The following SCN1A variants were observed in gnomAD, a reference collection of about 807,000 sequenced individuals.
SCN1A encodes the protein sodium voltage-gated channel alpha subunit 1.
SCN1A carries 13 observed loss-of-function variants against 193.7 expected under a neutral mutation model. The ratio of observed to expected loss-of-function variants is 0.07; its 90% CI spans 0.04 to 0.11. The LOEUF (loss-of-function observed/expected upper bound fraction) is 0.11, where lower values mean the gene tolerates loss of function less well. Ranked by LOEUF, SCN1A falls within the 10% of genes least tolerant of loss-of-function variation. The pLI is 1.00. For synonymous variants in SCN1A, 781 were observed against 843.6 expected, an observed-to-expected ratio of 0.93 and a Z score of 1.29; for missense variants, 1,432 against 2,451.1, an observed-to-expected ratio of 0.58 and a Z score of 8.78.
At chr2:166,051,662 T>C in intron 9 of SCN1A, 57 bp downstream of exon 9, 1 of 1,348,408 alleles carries the variant, frequency 7.4e-7, no homozygotes, top group Non-Finnish European at 1.0e-6. Flanking sequence ...TTATCCTTTG[T>C]GTTACAAACA....
At position 165,992,806 on chromosome 2, in the gene SCN1A, T is replaced by C. The variant is rs1689444474; in HGVS notation, c.4853-384A>G. On this transcript the variant is annotated intron_variant, in intron 28 of 28. Coordinates refer to ENST00000674923, the MANE Select transcript of SCN1A (RefSeq NM_001165963.4). The surrounding 1 kb of genome is among the most constrained non-coding windows in gnomAD (Gnocchi z 6.5). ...ACAGTGACTTTTTCTGAAATTGCCATATTCTAAATTCTCTATTTACTCCTT... is the reference window on the plus strand; with the variant it reads ...ACAGTGACTTTTTCTGAAATTGCCACATTCTAAATTCTCTATTTACTCCTT... 1 of 154,280 alleles carries C rather than the reference T, an allele frequency of 6.5e-6. No homozygotes were observed. Among genetic ancestry groups the C allele is most frequent in the South Asian group, 2.0e-4 (1 of 4,886 alleles). 9.6% of individuals were successfully genotyped at this position (154,280 alleles called of 1,614,324 possible). A position where few individuals can be genotyped will look rare whatever the true frequency, so the allele number is the denominator to read the frequency against.
chr2:165,992,574 TAATA>T lies in SCN1A; in HGVS notation c.4853-156_4853-153del. 1 of 382,318 alleles carries T rather than the reference TAATA, an allele frequency of 2.6e-6. No individual in the cohort carries two copies. The highest frequency in any genetic ancestry group is 4.2e-6 in the Non-Finnish European group (1 of 236,068). 23.7% of individuals were successfully genotyped at this position (382,318 alleles called of 1,614,324 possible). On this transcript the variant is annotated intron_variant, in intron 28 of 28. Coordinates refer to ENST00000674923, the MANE Select transcript of SCN1A (RefSeq NM_001165963.4). This position sits in a 1 kb window ranked among gnomAD's most constrained non-coding sequence, Gnocchi z 6.5. ...TATATAATATATATATAATTGTACA[TAATA>T]TATTATAAATCTTAATTTTGAAATT...
rs201985242 is a variant in SCN1A, at chr2:166,073,487, G to A, written c.135C>T (p.Asp45=). ...KNPKPDKKDD[D]ENGPKPNSDL... ...CACTATTTGGCTTTGGGCCATTTTCGTCGTCATCTTTTTTGTCTGGTTTGG... is the reference window on the plus strand; with the variant it reads ...CACTATTTGGCTTTGGGCCATTTTCATCGTCATCTTTTTTGTCTGGTTTGG... The change falls in exon 4 of 29, where the codon GAC becomes GAT. Residue 45 remains aspartate, a synonymous_variant. Coordinates refer to ENST00000674923, the MANE Select transcript of SCN1A (RefSeq NM_001165963.4). 25 of 1,613,936 alleles carry A rather than the reference G, an allele frequency of 1.5e-5. No homozygotes were observed. The highest frequency in any genetic ancestry group is 1.0e-4 in the Admixed American group (6 of 59,990).
intron 2 of SCN1A, among the ~76,000 whole-genome samples, chr2:166,110,665 G>A (rs372618648): frequency 6.6e-6 from 1 of 152,156 alleles, no homozygotes; most frequent in African/African-American, 2.4e-5. Context: ...TAAGCAGTAG[G>A]TACTGGTGTA....
At chr2:166,005,040 T>C (rs1298533714) in intron 23 of SCN1A, among the ~76,000 whole-genome samples, 1 of 151,460 alleles carries the variant, frequency 6.6e-6, no homozygotes, top group African/African-American at 2.4e-5. Context: ...AAATAGCATT[T>C]AGTGCTGTTT....
chr2:166,015,579 AG>A (rs890212112), intron 20 of SCN1A, 27 bp downstream of exon 20: 1 of 1,611,684 alleles, frequency 6.2e-7, no homozygotes, highest in Non-Finnish European at 8.5e-7. Context: ...TCCAAATGAA[AG>A]ATTAACATTA....
chr2:166,034,352 T>A (rs1696055359), intron 19 of SCN1A, among the ~76,000 whole-genome samples: 1 of 152,194 alleles, frequency 6.6e-6, no homozygotes, highest in African/African-American at 2.4e-5. Context: ...GAAGCATCTT[T>A]TAAGGGATAT....
chr2:166,044,000 C>A lies in SCN1A; in HGVS notation c.1712G>T (p.Arg571Ile). The A allele has an allele frequency of 6.2e-7, 1 of 1,614,170 alleles. No individual in the cohort carries two copies. Among genetic ancestry groups the A allele is most frequent in the Non-Finnish European group, 8.5e-7 (1 of 1,180,026 alleles). Residue 571 changes from arginine (R) to isoleucine (I), a missense_variant, in exon 14 of 29, where the codon AGA becomes ATA. Coordinates refer to ENST00000674923, the MANE Select transcript of SCN1A (RefSeq NM_001165963.4). ...GSLFSPRRNS[R>I]TSLFSFRGRA... Reference sequence around the variant, plus strand: ...CCCTCTAAAGCTGAAAAGGCTTGTTCTGCTATTTCGCCTTGGTGAAAATAG... The same window carrying A: ...CCCTCTAAAGCTGAAAAGGCTTGTTATGCTATTTCGCCTTGGTGAAAATAG...
At chr2:166,001,731 G>A (rs762365220) in intron 24 of SCN1A, among the ~76,000 whole-genome samples, 5 of 151,546 alleles carry the variant, frequency 3.3e-5, no homozygotes, top group Middle Eastern at 3.4e-3. Flanking sequence ...TTTTCTTGGA[G>A]ACCCAGTCTT....
At chr2:166,023,163 C>T (rs1174758243) in intron 19 of SCN1A, among the ~76,000 whole-genome samples, 4 of 152,222 alleles carry the variant, frequency 2.6e-5, no homozygotes, top group African/African-American at 7.2e-5. Flanking sequence ...TATGTGTATA[C>T]ATTATCATGT....
At chr2:166,072,272 C>T (rs189316471) in intron 4 of SCN1A, among the ~76,000 whole-genome samples, 5 of 152,208 alleles carry the variant, frequency 3.3e-5, no homozygotes, top group East Asian at 1.9e-4. Context: ...AATCACCTAA[C>T]GTCATACATT....
chr2:166,018,155 AT>A (rs1330187545), intron 19 of SCN1A, among the ~76,000 whole-genome samples: 1 of 152,000 alleles, frequency 6.6e-6, no homozygotes, highest in African/African-American at 2.4e-5. Flanking sequence ...TGATACACTG[AT>A]AATAAAGTAT....
At chr2:166,047,174 AT>A (rs1697944825) in intron 11 of SCN1A, among the ~76,000 whole-genome samples, 198 bp from the exon 12 acceptor site, 4 of 151,998 alleles carry the variant, frequency 2.6e-5, no homozygotes, top group Admixed American at 2.6e-4. Context: ...TCACACTATG[AT>A]TTCTATGGCA....
At chr2:166,085,137 GCC>G (rs1313188706) in intron 2 of SCN1A, among the ~76,000 whole-genome samples, 1 of 152,136 alleles carries the variant, frequency 6.6e-6, no homozygotes, top group East Asian at 1.9e-4. Flanking sequence ...TGGCCATGAT[GCC>G]ATCCCTATTG....
chr2:166,144,543 G>T (rs1255076136), intron 1 of SCN1A, among the ~76,000 whole-genome samples: 1 of 151,896 alleles, frequency 6.6e-6, no homozygotes, highest in Admixed American at 6.6e-5. Flanking sequence ...TTAAGCATAT[G>T]ATACGAATAA....
At chr2:166,025,688 T>C (rs1270658862) in intron 19 of SCN1A, among the ~76,000 whole-genome samples, 1 of 152,166 alleles carries the variant, frequency 6.6e-6, no homozygotes, top group African/African-American at 2.4e-5. Flanking sequence ...GATTTTTTTT[T>C]CCTAAGAACC....
intron 4 of SCN1A, 111 bp from the exon 5 acceptor site, chr2:166,058,799 C>T: frequency 1.4e-6 from 1 of 702,394 alleles, no homozygotes; most frequent in Non-Finnish European, 2.6e-6. Flanking sequence ...AATGAGAAAC[C>T]AGCACAATCA....
In SCN1A at chr2:166,042,330, G is replaced by C. The variant is rs1203456263; in HGVS notation, c.2138C>G (p.Ala713Gly). ...TGTTAGAATGCTGGCTATACTCATT[G>C]CTCGTTGCCTTTGGGAAGGATCTTC... is the stretch of plus-strand genomic sequence containing the variant. ...FLEDPSQRQRAMSIASILTNT... is the reference protein window; with the variant it reads ...FLEDPSQRQRGMSIASILTNT... The change falls in exon 15 of 29, where the codon GCA becomes GGA. Residue 713 changes from alanine (A) to glycine (G), a missense_variant. This residue lies in a region of SCN1A where 316 missense variants were observed against 362.1 expected (regional missense o/e 0.87). Transcript: ENST00000674923. 1 of 1,613,764 alleles carries C rather than the reference G, an allele frequency of 6.2e-7. No individual in the cohort carries two copies. The highest frequency in any genetic ancestry group is 1.3e-5 in the African/African-American group (1 of 74,926).
intron 14 of SCN1A, 110 bp from the exon 15 acceptor site, chr2:166,042,534 C>T (rs1357444090): frequency 3.1e-6 from 3 of 967,098 alleles, no homozygotes; most frequent in East Asian, 5.0e-5. Context: ...CATGCACTTT[C>T]ATATTCAATT....
Sources: gnomAD v4.1 joint callset for allele counts (sites outside exome capture counted in the v4.1 genomes callset) on GRCh38, gnomAD v4.1.1 for gene constraint, gnomAD v4.1.1 regional missense constraint, Gnocchi (gnomAD v3.1) non-coding constraint, MANE v1.5 for transcripts, NCBI Gene and HGNC (gene_info 2026-07-23, HGNC 2026-07-21) for gene names.